The following FGF12 variants were observed in gnomAD, a reference collection of about 807,000 sequenced individuals.
The protein encoded by FGF12 is fibroblast growth factor 12.
FGF12 carries 14 observed loss-of-function variants against 23.6 expected under a neutral mutation model. The observed-to-expected ratio is 0.59, with a 90% CI of 0.39 to 0.93. The LOEUF is 0.93. FGF12 is among the 40% of genes least tolerant of loss of function. The pLI is 0.00. For synonymous variants in FGF12, 62 were observed against 77.3 expected (o/e 0.80, Z 1.04); for missense variants, 175 against 217.8 (o/e 0.80, Z 1.24).
intron 2 of FGF12, among the ~76,000 whole-genome samples, chr3:192,719,540 T>C (rs1718968975): frequency 6.6e-6 from 1 of 152,176 alleles, no homozygotes; most frequent in African/African-American, 2.4e-5. Flanking sequence ...TCTTGATACA[T>C]AGCAAATATT....
intron 2 of FGF12, among the ~76,000 whole-genome samples, chr3:192,503,891 T>C (rs879548805): frequency 6.6e-6 from 1 of 152,140 alleles, no homozygotes; most frequent in Admixed American, 6.6e-5. Context: ...CATATGCATG[T>C]ATATGTTCAT....
intron 2 of FGF12, among the ~76,000 whole-genome samples, chr3:192,417,473 G>A (rs2108782003): frequency 6.6e-6 from 1 of 152,060 alleles, no homozygotes; most frequent in Middle Eastern, 3.4e-3. Flanking sequence ...ATAGTGTTTG[G>A]AATATAAGAT....
chr3:192,445,129 TC>T (rs1410847835), intron 2 of FGF12, among the ~76,000 whole-genome samples: 1 of 152,178 alleles, frequency 6.6e-6, no homozygotes, highest in Non-Finnish European at 1.5e-5. Flanking sequence ...GAAACTACCA[TC>T]CATTTTGCAA....
intron 2 of FGF12, among the ~76,000 whole-genome samples, chr3:192,364,262 G>A (rs1458305567): frequency 1.3e-5 from 2 of 152,058 alleles, no homozygotes; most frequent in Non-Finnish European, 2.9e-5. Context: ...AGACAAATAG[G>A]GTCAATGGAA....
intron 3 of FGF12, among the ~76,000 whole-genome samples, chr3:192,345,443 T>TAG: frequency 4.7e-5 from 2 of 42,888 alleles, no homozygotes; most frequent in Non-Finnish European, 6.9e-5. Context: ...ATCCCAGCAC[T>TAG]TTGGGAGGCC....
intron 2 of FGF12, among the ~76,000 whole-genome samples, chr3:192,363,409 G>A (rs935236905): frequency 6.6e-6 from 1 of 152,044 alleles, no homozygotes; most frequent in Non-Finnish European, 1.5e-5. Context: ...CTGGGAATTC[G>A]GGTTGGTAAC....
At chr3:192,247,918 T>C (rs1306121483) in intron 4 of FGF12, among the ~76,000 whole-genome samples, 2 of 152,226 alleles carry the variant, frequency 1.3e-5, no homozygotes, top group African/African-American at 4.8e-5. Flanking sequence ...TATTGTAATG[T>C]CTAAAAAATT....
chr3:192,688,791 G>C (rs182915612), intron 2 of FGF12, among the ~76,000 whole-genome samples: 2 of 152,092 alleles, frequency 1.3e-5, no homozygotes, highest in Non-Finnish European at 2.9e-5. Flanking sequence ...ATGCACCCCC[G>C]TGTGTATTGC....
At chr3:192,593,784 T>C (rs1035783683) in intron 2 of FGF12, among the ~76,000 whole-genome samples, 2 of 151,918 alleles carry the variant, frequency 1.3e-5, no homozygotes, top group African/African-American at 4.8e-5. Context: ...GGGTTGCTTC[T>C]GCCCTCCCTC....
At chr3:192,494,339 AGT>A (rs1320672606) in intron 2 of FGF12, among the ~76,000 whole-genome samples, 1 of 152,226 alleles carries the variant, frequency 6.6e-6, no homozygotes, top group African/African-American at 2.4e-5. Context: ...GTCACTGCAA[AGT>A]TGATAAGCAG....
intron 2 of FGF12, among the ~76,000 whole-genome samples, chr3:192,640,343 A>T (rs1004453741): frequency 6.6e-6 from 1 of 152,230 alleles, no homozygotes; most frequent in Non-Finnish European, 1.5e-5. Flanking sequence ...ACAATAAATT[A>T]TATTTTAAAT....
chr3:192,531,826 T>C (rs1725096314), intron 2 of FGF12, among the ~76,000 whole-genome samples: 1 of 152,064 alleles, frequency 6.6e-6, no homozygotes, highest in Admixed American at 6.6e-5. Context: ...GCTTAGGAGG[T>C]GTTAATCTGA....
intron 2 of FGF12, among the ~76,000 whole-genome samples, chr3:192,477,625 A>G (rs1723364025): frequency 6.6e-6 from 1 of 152,194 alleles, no homozygotes; most frequent in Admixed American, 6.6e-5. Context: ...GCAGCTATTG[A>G]AATGGAGAAT....
intron 2 of FGF12, among the ~76,000 whole-genome samples, chr3:192,672,581 G>A (rs1717164620): frequency 6.6e-6 from 1 of 151,016 alleles, no homozygotes; most frequent in Non-Finnish European, 1.5e-5. Context: ...AGGCACAGTT[G>A]TTTATCAAAC....
intron 2 of FGF12, among the ~76,000 whole-genome samples, chr3:192,715,549 T>A (rs1718840406): frequency 6.6e-6 from 1 of 152,224 alleles, no homozygotes; most frequent in Admixed American, 6.5e-5. Flanking sequence ...TTCCTAGATG[T>A]CAAATTCCTC....
intron 5 of FGF12, among the ~76,000 whole-genome samples, chr3:192,167,529 C>A (rs1157239167): frequency 1.3e-5 from 2 of 151,514 alleles, no homozygotes; most frequent in African/African-American, 4.9e-5. Context: ...GATAGCTGGT[C>A]TCTAGATTTG....
chr3:192,163,532 G>A (rs1460390456), intron 5 of FGF12, among the ~76,000 whole-genome samples: 1 of 152,120 alleles, frequency 6.6e-6, no homozygotes, highest in East Asian at 1.9e-4. Flanking sequence ...ACCAAAAGGA[G>A]CTTAGAAACA....
intron 2 of FGF12, among the ~76,000 whole-genome samples, chr3:192,690,089 T>C (rs1043371343): frequency 6.6e-6 from 1 of 151,902 alleles, no homozygotes; most frequent in Non-Finnish European, 1.5e-5. Flanking sequence ...AAAAAAGACA[T>C]TCACAGACAA....
At chr3:192,619,952 G>C (rs1372034308) in intron 2 of FGF12, among the ~76,000 whole-genome samples, 1 of 152,126 alleles carries the variant, frequency 6.6e-6, no homozygotes, top group Non-Finnish European at 1.5e-5. Context: ...ACAGGTAGCT[G>C]AGATGGGTTG....
Sources: gnomAD v4.1 joint callset for allele counts (sites outside exome capture counted in the v4.1 genomes callset) on GRCh38, gnomAD v4.1.1 for gene constraint, MANE v1.5 for transcripts, NCBI Gene and HGNC (gene_info 2026-07-23, HGNC 2026-07-21) for gene names.